Variants in PLEKHA7 observed in about 807,000 individuals in gnomAD.
PLEKHA7 encodes the protein pleckstrin homology domain containing A7.
In PLEKHA7, 104 loss-of-function variants were observed where a neutral mutation model predicts 170.0. The ratio of observed to expected loss-of-function variants is 0.61; its 90% CI spans 0.52 to 0.72. The LOEUF is 0.72. PLEKHA7 is among the 30% of genes least tolerant of loss of function. The pLI is 0.00. For missense variants in PLEKHA7, 1,615 were observed against 1,671.7 expected, an observed-to-expected ratio of 0.97 and a Z score of 0.59; for synonymous variants, 648 against 660.8, an observed-to-expected ratio of 0.98 and a Z score of 0.30.
intron 3 of PLEKHA7, among the ~76,000 whole-genome samples, chr11:17,007,598 G>C (rs1236613321): frequency 7.3e-6 from 1 of 137,134 alleles, no homozygotes; most frequent in African/African-American, 2.8e-5. Context: ...TTTTGAGACA[G>C]AGTCTCATTC....
intron 13 of PLEKHA7, among the ~76,000 whole-genome samples, chr11:16,806,498 C>T (rs1468455564): frequency 6.6e-6 from 1 of 152,212 alleles, no homozygotes; most frequent in Admixed American, 6.5e-5. Flanking sequence ...GCCACCCAGG[C>T]ATCTTCCCTC....
In PLEKHA7 at chr11:16,789,181, C is replaced by CG; in HGVS notation, c.3271dup (p.Arg1091ProfsTer33). 3 of 1,612,842 alleles carry CG rather than the reference C, an allele frequency of 1.9e-6. No individual in the cohort carries two copies. Among genetic ancestry groups the CG allele is most frequent in the Non-Finnish European group, 2.5e-6 (3 of 1,180,042 alleles). ...CTCCCCTTGGCCCAGTGTCCTCTTG[C>CG]GCTCTCGGACCAGGGCCTTCTGGTG... On this transcript the variant is annotated frameshift_variant, in exon 23 of 27. Transcript: ENST00000531066. LOFTEE classifies it high-confidence loss of function. This position sits in a 1 kb window ranked among gnomAD's most constrained non-coding sequence, Gnocchi z 4.6.
At chr11:16,855,556 G>C (rs149311236) in intron 5 of PLEKHA7, 371 of 467,884 alleles carry the variant, frequency 7.9e-4, no homozygotes, top group African/African-American at 5.0e-3. Context: ...CCAACCATGC[G>C]AGGAAAGTGA....
At chr11:16,998,291 A>G (rs564434875) in intron 3 of PLEKHA7, among the ~76,000 whole-genome samples, 2 of 152,152 alleles carry the variant, frequency 1.3e-5, no homozygotes, top group South Asian at 2.1e-4. Context: ...ACCCAACACG[A>G]ACCTTCAGGA....
chr11:16,873,909 C>T (rs552923813), intron 3 of PLEKHA7, among the ~76,000 whole-genome samples: 2 of 152,226 alleles, frequency 1.3e-5, no homozygotes, highest in East Asian at 1.9e-4. Context: ...TCAGGTGATC[C>T]GCCCACCTCA....
chr11:16,905,443 T>C (rs1289581168), intron 3 of PLEKHA7, among the ~76,000 whole-genome samples: 1 of 152,126 alleles, frequency 6.6e-6, no homozygotes, highest in African/African-American at 2.4e-5. Flanking sequence ...TTCTATACTT[T>C]CCTCAAGGTC....
rs558999709 is a variant in PLEKHA7 at position 16,930,063 on chromosome 11, G to A, written c.222-58881C>T. 1.9e-4 allele frequency among the ~76,000 whole-genome samples: 29 copies of A among 152,182 alleles called. 1 individual carries two copies. In the South Asian group the frequency reaches 5.6e-3, roughly 30 times the overall value. ...GTGCTGGGATATTTTGGGGAGCAGG[G>A]AGCTGGCCAGTTGTGGATGCTTTGG... On this transcript the variant is annotated intron_variant, in intron 3 of 26. Transcript: ENST00000531066.
chr11:16,907,258 TG>T (rs1428303679), intron 3 of PLEKHA7, among the ~76,000 whole-genome samples: 1 of 129,054 alleles, frequency 7.7e-6, no homozygotes, highest in Non-Finnish European at 1.6e-5. Context: ...GGGAAGGATG[TG>T]GGGGGGTCAG....
chr11:16,795,912 ATGGCGCC>A (rs2134298653), intron 17 of PLEKHA7, among the ~76,000 whole-genome samples: 1 of 133,882 alleles, frequency 7.5e-6, no homozygotes, highest in African/African-American at 2.8e-5. Context: ...CTAGAGTACA[ATGGCGCC>A]ATCTCGGCTC....
At position 16,826,397 on chromosome 11, in the gene PLEKHA7, G is replaced by A. The variant is rs146639700; in HGVS notation, c.1066C>T (p.Arg356Trp). 2.2e-5 allele frequency: 36 copies of A among 1,614,210 alleles called. No individual in the cohort carries two copies. The highest frequency in any genetic ancestry group is 1.6e-4 in the Middle Eastern group (1 of 6,062). ...RSQRDPLEGK[R>W]DRSKARSPYS... ...GGAGACCTGGCCTTGCTCCGGTCCC[G>A]CTTGCCCTCCAGTGGGTCCCTCTGG... is the stretch of plus-strand genomic sequence containing the variant. The change falls in exon 10 of 27, where the codon CGG becomes TGG. Residue 356 changes from arginine to tryptophan, a missense_variant. Physicochemically the swap from Arg to Trp is moderately radical, Grantham distance 101 (BLOSUM62 -3). Transcript: ENST00000531066.
chr11:16,940,968 G>C (rs1387020217), intron 3 of PLEKHA7, among the ~76,000 whole-genome samples: 1 of 152,114 alleles, frequency 6.6e-6, no homozygotes, highest in Non-Finnish European at 1.5e-5. Context: ...CCAAGAACCA[G>C]GTGCCCTCCA....
At chr11:16,995,511 C>T (rs1332011890) in intron 3 of PLEKHA7, among the ~76,000 whole-genome samples, 1 of 152,208 alleles carries the variant, frequency 6.6e-6, no homozygotes. Flanking sequence ...GAACTGCTCC[C>T]TCCTGAGTGT....
At chr11:16,888,402 G>C (rs118056580) in intron 3 of PLEKHA7, among the ~76,000 whole-genome samples, 1 of 140,564 alleles carries the variant, frequency 7.1e-6, no homozygotes, top group Non-Finnish European at 1.6e-5. Context: ...TTGAGTAGAC[G>C]GGGGGGAAAT....
chr11:16,885,998 G>GAA (rs34201509), intron 3 of PLEKHA7, among the ~76,000 whole-genome samples: 40 of 142,950 alleles, frequency 2.8e-4, no homozygotes, highest in East Asian at 1.2e-3. Context: ...GACTCCATCG[G>GAA]AAAAAAAAAA....
chr11:16,823,418 A>G (rs953654322), intron 10 of PLEKHA7, among the ~76,000 whole-genome samples: 2 of 152,188 alleles, frequency 1.3e-5, no homozygotes, highest in African/African-American at 4.8e-5. Context: ...AGGATTAAGG[A>G]ACATGGCTGT....
intron 3 of PLEKHA7, among the ~76,000 whole-genome samples, chr11:16,918,543 G>T (rs1223661863): frequency 6.6e-6 from 1 of 152,194 alleles, no homozygotes; most frequent in African/African-American, 2.4e-5. Flanking sequence ...AGTACAATGA[G>T]CCCGTTGATA....
At position 16,816,941 on chromosome 11, in the gene PLEKHA7, G is replaced by A. The variant is rs932209687; in HGVS notation, c.1725C>T (p.Pro575=). The A allele has an allele frequency of 6.2e-7, 1 of 1,613,272 alleles. No individual in the cohort carries two copies. The highest frequency in any genetic ancestry group is 1.7e-5 in the Admixed American group (1 of 59,934). ...GTGGGAAGACCCTTGGGGGTCCTGG[G>A]GGAGGGATGTCCGAGGGAGATGGAG... ...SVPPSPSDIP[P]PGPPRVFPPR... The change falls in exon 11 of 27, where the codon CCC becomes CCT. Residue 575 remains proline (P), a synonymous_variant. Coordinates refer to ENST00000531066, the MANE Select transcript of PLEKHA7 (RefSeq NM_001329630.2).
At chr11:16,809,026 A>C (rs1341852737) in intron 13 of PLEKHA7, among the ~76,000 whole-genome samples, 2 of 152,186 alleles carry the variant, frequency 1.3e-5, no homozygotes, top group Non-Finnish European at 2.9e-5. Flanking sequence ...TGCTGAGAGG[A>C]TTCAATGAGA....
In PLEKHA7 at chr11:17,013,949, C is replaced by A. The variant is rs911199188; in HGVS notation, c.221+40G>T. ...GCGGGAACGGGGAGGGACCCCCCCC[C>A]CGCGGCACAGGTGCGAGCGCGGCGG... On this transcript the variant is annotated intron_variant, in intron 3 of 26. Coordinates refer to ENST00000531066, the MANE Select transcript of PLEKHA7 (RefSeq NM_001329630.2). The A allele has an allele frequency of 5.3e-6, 8 of 1,511,044 alleles. No homozygotes were observed. In the African/African-American group the frequency reaches 1.0e-4, roughly 19 times the overall value. The allele number at this position is 1,511,044 out of a possible 1,614,324, so 93.6% of individuals were successfully genotyped here. A position where few individuals can be genotyped will look rare whatever the true frequency, so the allele number is the denominator to read the frequency against.
Sources: allele counts gnomAD v4.1 joint callset (sites outside exome capture counted in the v4.1 genomes callset), GRCh38; gene constraint gnomAD v4.1.1; non-coding constraint Gnocchi (gnomAD v3.1); transcripts MANE v1.5; gene names NCBI Gene and HGNC (gene_info 2026-07-23, HGNC 2026-07-21).